Variants in LYN observed in about 807,000 individuals in gnomAD.
The protein encoded by LYN is LYN proto-oncogene, Src family tyrosine kinase, also known as tyrosine-protein kinase Lyn.
LYN carries 12 observed loss-of-function variants against 65.0 expected under a neutral mutation model. That is an observed-to-expected ratio of 0.18 (90% CI 0.12 to 0.30). LYN has a LOEUF of 0.30. Among genes scored for constraint, LYN ranks in the 10% least tolerant of loss-of-function variants. The pLI, the probability that LYN is intolerant of heterozygous loss-of-function variation, is 1.00. For synonymous variants in LYN, 222 were observed against 221.2 expected (o/e 1.00, Z -0.03); for missense variants, 380 against 623.2 (o/e 0.61, Z 4.16).
intron 1 of LYN, among the ~76,000 whole-genome samples, chr8:55,912,852 C>G (rs1473951440): frequency 1.3e-5 from 2 of 151,888 alleles, no homozygotes; most frequent in African/African-American, 4.8e-5. Flanking sequence ...TTTTAATGGA[C>G]TACAAATATT....
At chr8:55,886,304 A>G (rs6986361) in intron 1 of LYN, among the ~76,000 whole-genome samples, 78,249 of 148,868 alleles carry the variant, frequency 0.53, 21,133 homozygotes, top group East Asian at 0.78. Context: ...ACAATGGTGC[A>G]ATCTCCACTC....
At chr8:56,003,508 T>G (rs1413686604) in intron 12 of LYN, among the ~76,000 whole-genome samples, 1 of 151,700 alleles carries the variant, frequency 6.6e-6, no homozygotes, top group Non-Finnish European at 1.5e-5. Context: ...CTACAAAAAA[T>G]ACAAAAAAAA....
chr8:55,882,242 G>A (rs1804671843), intron 1 of LYN, among the ~76,000 whole-genome samples: 1 of 152,170 alleles, frequency 6.6e-6, no homozygotes, highest in Non-Finnish European at 1.5e-5. Flanking sequence ...AGAGTCATTG[G>A]TGTTACAAAG....
At chr8:55,995,111 G>A (rs571386146) in intron 10 of LYN, among the ~76,000 whole-genome samples, 5 of 152,074 alleles carry the variant, frequency 3.3e-5, no homozygotes, top group African/African-American at 4.8e-5. Context: ...TTGCCACCCC[G>A]TGTCATCTGT....
In LYN at chr8:55,915,016, G is replaced by A. The variant is rs1036156230; in HGVS notation, c.-5-26839G>A. Among the ~76,000 whole-genome samples the A allele has an allele frequency of 3.3e-5, 5 of 152,172 alleles. No individual in the cohort carries two copies. In the South Asian group the frequency reaches 1.0e-3, roughly 32 times the overall value. ...GAATTAGACTGGGAGAGTACAAATG[G>A]TTTTGTTAATTAGATTAAAACGTTA... On this transcript the variant is annotated intron_variant, in intron 1 of 12. Transcript: ENST00000519728.
At chr8:55,979,880 G>A (rs149769712) in intron 10 of LYN, among the ~76,000 whole-genome samples, 4 of 152,338 alleles carry the variant, frequency 2.6e-5, no homozygotes, top group African/African-American at 9.6e-5. Flanking sequence ...CCACCCTGGT[G>A]CGGAAGACCC....
chr8:55,956,308 C>A (rs1162398965), intron 8 of LYN, among the ~76,000 whole-genome samples: 1 of 152,106 alleles, frequency 6.6e-6, no homozygotes, highest in Admixed American at 6.5e-5. Flanking sequence ...TTGCCGTTGA[C>A]CACCTGAGAT....
chr8:55,961,645 C>T (rs1048480027), intron 8 of LYN, among the ~76,000 whole-genome samples: 8 of 152,036 alleles, frequency 5.3e-5, no homozygotes, highest in Non-Finnish European at 8.8e-5. Context: ...TTTCCTTCGT[C>T]CTTTACTCAT....
At chr8:55,912,887 G>T (rs932502698) in intron 1 of LYN, among the ~76,000 whole-genome samples, 2 of 152,044 alleles carry the variant, frequency 1.3e-5, no homozygotes, top group African/African-American at 4.8e-5. Flanking sequence ...AATGGCCCGT[G>T]TGTAAAAAGT....
chr8:55,894,136 T>A (rs13279092), intron 1 of LYN: 137,346 of 152,364 alleles, frequency 0.9, 61,963 homozygotes, highest in East Asian at 0.98. Context: ...CCCCAAGAGA[T>A]CATGCTGAGC....
chr8:55,892,756 AT>A (rs1447281927), intron 1 of LYN, among the ~76,000 whole-genome samples: 1 of 152,136 alleles, frequency 6.6e-6, no homozygotes, highest in Admixed American at 6.5e-5. Flanking sequence ...ATTCGAGGGA[AT>A]TTTTTAAAAA....
intron 10 of LYN, among the ~76,000 whole-genome samples, chr8:55,994,145 A>T (rs1192116825): frequency 6.6e-6 from 1 of 152,162 alleles, no homozygotes; most frequent in Non-Finnish European, 1.5e-5. Flanking sequence ...TTAAGGTTTT[A>T]AAAAAAATAA....
chr8:55,906,749 G>A (rs1030584180), intron 1 of LYN, among the ~76,000 whole-genome samples: 1 of 110,830 alleles, frequency 9.0e-6, no homozygotes, highest in Non-Finnish European at 2.2e-5. Flanking sequence ...AGAGAGAGGA[G>A]AGAGAGAGAG....
intron 1 of LYN, among the ~76,000 whole-genome samples, chr8:55,887,139 A>T (rs1804820125): frequency 6.6e-6 from 1 of 152,268 alleles, no homozygotes; most frequent in African/African-American, 2.4e-5. Context: ...ACTAATATGA[A>T]AAATTTTTTT....
chr8:55,896,808 G>A (rs144991165), intron 1 of LYN, among the ~76,000 whole-genome samples: 1,885 of 152,126 alleles, frequency 0.012, 33 homozygotes, highest in African/African-American at 0.041. Flanking sequence ...GCGTGATCTC[G>A]GCTCCCCGCA....
chr8:55,915,300 C>T (rs757626226), intron 1 of LYN, among the ~76,000 whole-genome samples: 6 of 152,150 alleles, frequency 3.9e-5, no homozygotes, highest in African/African-American at 1.2e-4. Flanking sequence ...CCTCTGCTAT[C>T]CAGGTTTATT....
Position 55,998,430 on chromosome 8 carries a change from C to T in LYN, c.1135C>T (p.Leu379Phe), listed in dbSNP as rs1319883203. The T allele has an allele frequency of 1.2e-6, 2 of 1,613,954 alleles. No homozygotes were observed. The highest frequency in any genetic ancestry group is 1.7e-6 in the Non-Finnish European group (2 of 1,179,944). Residue 379 changes from leucine to phenylalanine, a missense_variant, in exon 11 of 13, where the codon CTC becomes TTC. Transcript: ENST00000519728. ...RAANVLVSES[L>F]MCKIADFGLA... is the part of the protein sequence containing the mutation. ...AGCTAATGTTCTGGTCTCCGAGTCA[C>T]TCATGTGCAAAATTGCAGATTTTGG...
intron 1 of LYN, among the ~76,000 whole-genome samples, chr8:55,913,036 G>C (rs1402944019): frequency 6.6e-6 from 1 of 152,080 alleles, no homozygotes; most frequent in Non-Finnish European, 1.5e-5. Flanking sequence ...AGAGTTAGTG[G>C]GATGTCTGCC....
intron 1 of LYN, among the ~76,000 whole-genome samples, chr8:55,896,112 A>C (rs753817874): frequency 7.9e-5 from 12 of 152,092 alleles, no homozygotes; most frequent in African/African-American, 2.9e-4. Context: ...TAAAAAAAAA[A>C]AACAAGTTTT....
Sources: gnomAD v4.1 joint callset for allele counts (sites outside exome capture counted in the v4.1 genomes callset) on GRCh38, gnomAD v4.1.1 for gene constraint, MANE v1.5 for transcripts, NCBI Gene and HGNC (gene_info 2026-07-23, HGNC 2026-07-21) for gene names.